The following MAP4K5 variants were observed in gnomAD, a reference collection of about 807,000 sequenced individuals.
MAP4K5 encodes the protein mitogen-activated protein kinase kinase kinase kinase 5.
In MAP4K5, 82 loss-of-function variants were observed where a neutral mutation model predicts 135.6. The ratio of observed to expected loss-of-function variants is 0.60; its 90% CI spans 0.51 to 0.73. The LOEUF (loss-of-function observed/expected upper bound fraction) is 0.73, where lower values mean the gene tolerates loss of function less well. MAP4K5 is among the 30% of genes least tolerant of loss of function. The probability of loss-of-function intolerance (pLI) is 0.00; values close to 1 mark genes in which losing one functional copy is unlikely to be tolerated. For missense variants in MAP4K5, 907 were observed against 1,010.9 expected, an observed-to-expected ratio of 0.90 and a Z score of 1.39; for synonymous variants, 347 against 335.0, an observed-to-expected ratio of 1.04 and a Z score of -0.39.
At position 50,502,115 on chromosome 14, in the gene MAP4K5, A is replaced by C. The variant is rs1013874934; in HGVS notation, c.166+2685T>G. Among the ~76,000 whole-genome samples the C allele has an allele frequency of 3.3e-5, 5 of 152,170 alleles. No individual in the cohort carries two copies. In the East Asian group the frequency reaches 9.6e-4, roughly 29 times the overall value. Reference sequence around the variant, plus strand: ...CTTCTGTCAGAACTCATTTATGCCTACTGTTCCATTATGGGAACGCTAAGC... The same window carrying C: ...CTTCTGTCAGAACTCATTTATGCCTCCTGTTCCATTATGGGAACGCTAAGC... On this transcript the variant is annotated intron_variant, in intron 3 of 32. Coordinates refer to ENST00000682126, the MANE Select transcript of MAP4K5 (RefSeq NM_006575.6).
intron 1 of MAP4K5, among the ~76,000 whole-genome samples, chr14:50,558,845 T>C (rs1233983280): frequency 6.6e-6 from 1 of 152,238 alleles, no homozygotes; most frequent in Non-Finnish European, 1.5e-5. Context: ...GTTTCATTAA[T>C]GTCATTTCAA....
At chr14:50,479,008 T>TCA (rs1160959988) in intron 6 of MAP4K5, among the ~76,000 whole-genome samples, 1 of 2,400 alleles carries the variant, frequency 4.2e-4, no homozygotes, top group African/African-American at 4.3e-4. Flanking sequence ...TTTTTTCGTT[T>TCA]TTTTTTTTTT....
intron 2 of MAP4K5, among the ~76,000 whole-genome samples, chr14:50,513,919 A>G (rs1595534156): frequency 6.6e-6 from 1 of 152,236 alleles, no homozygotes; most frequent in East Asian, 1.9e-4. Context: ...TAAGAACATG[A>G]TCTACAATAC....
chr14:50,449,098 T>A (rs2139743827), intron 14 of MAP4K5: 1 of 349,514 alleles, frequency 2.9e-6, no homozygotes, highest in South Asian at 5.6e-5. Context: ...AAGAGATTTT[T>A]AAAAATTCAT....
At chr14:50,481,535 T>G (rs1448247605) in intron 6 of MAP4K5, among the ~76,000 whole-genome samples, 1 of 152,116 alleles carries the variant, frequency 6.6e-6, no homozygotes, top group Admixed American at 6.5e-5. Context: ...AAGCATTAAT[T>G]AACAATTATC....
intron 2 of MAP4K5, among the ~76,000 whole-genome samples, chr14:50,529,614 G>C (rs2038342749): frequency 6.6e-6 from 1 of 151,772 alleles, no homozygotes; most frequent in African/African-American, 2.4e-5. Context: ...GTATTTTAGT[G>C]AATCAAGATA....
chr14:50,486,206 A>C lies in MAP4K5; in HGVS notation c.167-12T>G. The C allele has an allele frequency of 1.1e-6, 1 of 923,272 alleles. No individual in the cohort carries two copies. The highest frequency in any genetic ancestry group is 2.8e-5 in the East Asian group (1 of 35,658). The allele number at this position is 923,272 out of a possible 1,614,324, so 57.2% of individuals were successfully genotyped here. On this transcript the variant is annotated splice_polypyrimidine_tract_variant and intron_variant, in intron 3 of 32. Coordinates refer to ENST00000682126, the MANE Select transcript of MAP4K5 (RefSeq NM_006575.6). Reference sequence around the variant, plus strand: ...AGAAAAATCATCTCCTGGAAAACAAAATAAGTTGTTTATCATGTTACTCAA... The same window carrying C: ...AGAAAAATCATCTCCTGGAAAACAACATAAGTTGTTTATCATGTTACTCAA...
At chr14:50,433,812 T>C (rs1036676208) in intron 28 of MAP4K5, among the ~76,000 whole-genome samples, 1 of 152,114 alleles carries the variant, frequency 6.6e-6, no homozygotes, top group Non-Finnish European at 1.5e-5. Flanking sequence ...ACTAGCAAAA[T>C]GGAGGCCCCA....
chr14:50,526,695 ATAC>A (rs899687470), intron 2 of MAP4K5, among the ~76,000 whole-genome samples: 3 of 152,226 alleles, frequency 2.0e-5, no homozygotes, highest in African/African-American at 4.8e-5. Context: ...CACTCAACAA[ATAC>A]TTCTTTAATG....
At chr14:50,558,096 G>A (rs112796971) in intron 1 of MAP4K5, among the ~76,000 whole-genome samples, 1,562 of 152,316 alleles carry the variant, frequency 0.01, 12 homozygotes, top group Non-Finnish European at 0.016. Flanking sequence ...GGGAATGCCA[G>A]CTACTTAATT....
upstream of MAP4K5, among the ~76,000 whole-genome samples, chr14:50,535,353 C>T (rs1054124694): frequency 2.0e-5 from 3 of 152,160 alleles, no homozygotes; most frequent in African/African-American, 7.2e-5. Context: ...GCTAATTAAA[C>T]CTTCAAGTGT....
At chr14:50,453,787 C>T (rs1161768295) in intron 14 of MAP4K5, among the ~76,000 whole-genome samples, 4 of 152,144 alleles carry the variant, frequency 2.6e-5, no homozygotes, top group Non-Finnish European at 4.4e-5. Flanking sequence ...CTGAACTCTA[C>T]TCTTTCCAAA....
chr14:50,474,470 G>T (rs1459062063), intron 9 of MAP4K5, among the ~76,000 whole-genome samples: 2 of 152,020 alleles, frequency 1.3e-5, no homozygotes, highest in Non-Finnish European at 2.9e-5. Context: ...AAATATTAAG[G>T]TTTTGTTATG....
intron 10 of MAP4K5, 140 bp downstream of exon 10, chr14:50,468,511 T>A: frequency 1.3e-6 from 1 of 790,078 alleles, no homozygotes; most frequent in Non-Finnish European, 1.9e-6. Context: ...CAATAGGTTT[T>A]GGATGAGATT....
chr14:50,511,864 A>G (rs915641029), intron 2 of MAP4K5, among the ~76,000 whole-genome samples: 1 of 152,190 alleles, frequency 6.6e-6, no homozygotes, highest in African/African-American at 2.4e-5. Flanking sequence ...GACAGTAAAA[A>G]GCAATGGTTG....
chr14:50,437,380 T>C (rs2036118796), intron 26 of MAP4K5, 96 bp downstream of exon 26: 1 of 940,910 alleles, frequency 1.1e-6, no homozygotes, highest in African/African-American at 1.7e-5. Flanking sequence ...TTTAAAAACC[T>C]ACCCTCCTTC....
At chr14:50,483,005 A>T (rs2037283842) in intron 5 of MAP4K5, 1 of 152,448 alleles carries the variant, frequency 6.6e-6, no homozygotes, top group South Asian at 2.1e-4. Flanking sequence ...TGTGCAAAGC[A>T]TAGTGGTATG....
intron 8 of MAP4K5, 56 bp from the exon 9 acceptor site, chr14:50,475,205 T>G (rs2037068589): frequency 7.4e-7 from 1 of 1,344,524 alleles, no homozygotes; most frequent in African/African-American, 1.4e-5. Context: ...AAACAACATT[T>G]TTACTTTCGC....
chr14:50,510,212 A>C (rs895275076), intron 2 of MAP4K5, among the ~76,000 whole-genome samples: 2 of 152,240 alleles, frequency 1.3e-5, no homozygotes, highest in Non-Finnish European at 2.9e-5. Context: ...CAACATGAAA[A>C]GATCTAATAT....
Sources: gnomAD v4.1 joint callset for allele counts (sites outside exome capture counted in the v4.1 genomes callset) on GRCh38, gnomAD v4.1.1 for gene constraint, MANE v1.5 for transcripts, NCBI Gene and HGNC (gene_info 2026-07-23, HGNC 2026-07-21) for gene names.